The following MAP4 variants were observed in gnomAD, a reference collection of about 807,000 sequenced individuals.
MAP4 encodes the protein microtubule associated protein 4, also known as microtubule-associated protein 4.
A neutral mutation model predicts 170.2 loss-of-function variants in MAP4; 76 were observed. The observed-to-expected ratio is 0.45, with a 90% CI of 0.37 to 0.54. The LOEUF is 0.54. MAP4 is among the 20% of genes least tolerant of loss of function. The pLI, the probability that MAP4 is intolerant of heterozygous loss-of-function variation, is 0.00. For synonymous variants in MAP4, 909 were observed against 994.5 expected (o/e 0.91, Z 1.62); for missense variants, 2,506 against 2,748.0 (o/e 0.91, Z 1.97).
chr3:47,898,195 A>G (rs1300914677), intron 10 of MAP4, among the ~76,000 whole-genome samples: 1 of 152,112 alleles, frequency 6.6e-6, no homozygotes, highest in Non-Finnish European at 1.5e-5. Context: ...GGGAAGGGAC[A>G]GAGTAGCTTC....
intron 3 of MAP4, among the ~76,000 whole-genome samples, chr3:47,934,371 C>T (rs2100051551): frequency 6.6e-6 from 1 of 152,154 alleles, no homozygotes; most frequent in African/African-American, 2.4e-5. Context: ...GACTTGATCT[C>T]AGCTCACCCT....
chr3:48,086,831 T>A (rs148517965), intron 1 of MAP4, among the ~76,000 whole-genome samples: 1 of 152,304 alleles, frequency 6.6e-6, no homozygotes, highest in East Asian at 1.9e-4. Context: ...TTAACTGGTA[T>A]CTGGTTTATC....
chr3:48,081,353 A>C (rs2100146608), intron 1 of MAP4, among the ~76,000 whole-genome samples: 1 of 151,976 alleles, frequency 6.6e-6, no homozygotes, highest in Non-Finnish European at 1.5e-5. Context: ...TTCTAGATAC[A>C]ATCACTCACT....
At chr3:48,079,671 C>T (rs2100145618) in intron 1 of MAP4, among the ~76,000 whole-genome samples, 1 of 151,726 alleles carries the variant, frequency 6.6e-6, no homozygotes, top group Admixed American at 6.6e-5. Flanking sequence ...AAAAAAAAAG[C>T]CGGGTGCGGT....
chr3:47,853,319 GAC>G lies in MAP4; in HGVS notation c.6728_6729del (p.Cys2243SerfsTer13). ...TEGGGSEAPLCPGPPAGEEPA... is the reference protein window; with the variant it reads ...TEGGGSEAPLXPGPPAGEEPA... The stretch of plus-strand genomic sequence containing the variant: ...GGCTCCTCCCCAGCAGGGGGACCCG[GAC>G]ACAGAGGAGCCTCGCTGCCACCGCC... On this transcript the variant is annotated frameshift_variant, in exon 20 of 21. Coordinates refer to ENST00000683076, the MANE Select transcript of MAP4 (RefSeq NM_001385682.1). LOFTEE classifies it high-confidence loss of function. 2 of 1,610,756 alleles carry G rather than the reference GAC, an allele frequency of 1.2e-6. No individual in the cohort carries two copies. The highest frequency in any genetic ancestry group is 1.7e-6 in the Non-Finnish European group (2 of 1,179,482).
chr3:48,013,162 T>G (rs1267420837), intron 1 of MAP4, among the ~76,000 whole-genome samples: 1 of 152,188 alleles, frequency 6.6e-6, no homozygotes, highest in Non-Finnish European at 1.5e-5. Flanking sequence ...ACAGAATCAC[T>G]TGAAGTTACT....
chr3:48,088,433 C>A (rs2100150525), intron 1 of MAP4, among the ~76,000 whole-genome samples: 1 of 152,192 alleles, frequency 6.6e-6, no homozygotes, highest in African/African-American at 2.4e-5. Context: ...GGGCCCCAGA[C>A]TGCGGCCGAC....
chr3:47,911,333 T>C lies in MAP4; in HGVS notation c.3088A>G (p.Ile1030Val), dbSNP rs1308616345. ...AFPNERQEIS[I>V]FTSEQLQGQV... ...CCCTGCAGCTGCTCAGAAGTAAAGA[T>C]GCTGATCTCTTGTCTTTCGTTGGGA... The change falls in exon 9 of 21, where the codon ATC becomes GTC. Residue 1030 changes from isoleucine (I) to valine (V), a missense_variant. By Grantham distance (29) the Ile-to-Val change is conservative. Around this residue, in one of 3 missense-constraint regions of MAP4, gnomAD observed 2,008 missense variants for 2,206.0 expected, o/e 0.91. Coordinates refer to ENST00000683076, the MANE Select transcript of MAP4 (RefSeq NM_001385682.1). This position sits in a 1 kb window ranked among gnomAD's most constrained non-coding sequence, Gnocchi z 4.0. 1 of 1,536,124 alleles carries C rather than the reference T, an allele frequency of 6.5e-7. No homozygotes were observed. The highest frequency in any genetic ancestry group is 1.4e-5 in the African/African-American group (1 of 73,160).
chr3:47,979,486 C>T (rs1027664364), intron 2 of MAP4, among the ~76,000 whole-genome samples: 5 of 152,166 alleles, frequency 3.3e-5, no homozygotes, highest in Admixed American at 2.6e-4. Flanking sequence ...CAGGGAGTCT[C>T]TCTCTGTCGC....
At chr3:48,008,543 G>T (rs1295297449) in intron 1 of MAP4, among the ~76,000 whole-genome samples, 4 of 152,250 alleles carry the variant, frequency 2.6e-5, no homozygotes, top group Non-Finnish European at 5.9e-5. Context: ...GGTTTGGCTG[G>T]TCAGGGACTT....
At chr3:48,051,324 A>G (rs759840123) in intron 1 of MAP4, among the ~76,000 whole-genome samples, 95 of 152,232 alleles carry the variant, frequency 6.2e-4, no homozygotes, top group Non-Finnish European at 1.2e-3. Context: ...AGGCAGGAGA[A>G]CTGCTTGAAC....
chr3:47,952,152 G>A lies in MAP4; in HGVS notation c.293-23802C>T, dbSNP rs549629130. Among the ~76,000 whole-genome samples the A allele has an allele frequency of 4.0e-5, 6 of 149,826 alleles. No individual in the cohort carries two copies. The South Asian group carries it at 6.4e-4, about 16-fold the overall frequency. ...TGAGAAGTGAGGAGCCCCTCCGCCC[G>A]GCAGCCACCCCGTCTGGGAAGTGAG... On this transcript the variant is annotated intron_variant, in intron 3 of 20. Transcript: ENST00000683076.
At chr3:47,886,323 C>A (rs996079427) in intron 10 of MAP4, among the ~76,000 whole-genome samples, 1 of 152,082 alleles carries the variant, frequency 6.6e-6, no homozygotes, top group African/African-American at 2.4e-5. Flanking sequence ...TGTTTTGAGA[C>A]CTGATCTTGA....
intron 10 of MAP4, among the ~76,000 whole-genome samples, chr3:47,900,575 A>G (rs2100029464): frequency 6.6e-6 from 1 of 152,128 alleles, no homozygotes; most frequent in Non-Finnish European, 1.5e-5. Context: ...GTCTCTACTA[A>G]AAATACAAAA....
intron 3 of MAP4, among the ~76,000 whole-genome samples, chr3:47,976,764 T>C (rs1419745878): frequency 6.6e-6 from 1 of 152,232 alleles, no homozygotes. Context: ...ATTTATTAAG[T>C]TGCTAATAAG....
At position 47,875,754 on chromosome 3, in the gene MAP4, G is replaced by A; in HGVS notation, c.5688C>T (p.Ala1896=). 6.2e-7 allele frequency: 1 copy of A among 1,613,970 alleles called. No homozygotes were observed. The highest frequency in any genetic ancestry group is 8.5e-7 in the Non-Finnish European group (1 of 1,180,004). ...MSLASGLVPA[A]PPKRPAVASA... is the part of the protein sequence containing the mutation. ...AGGCGACGGCAGGGCGTTTGGGTGG[G>A]GCAGCTGGCACTAAGCCTGAAGCAA... is the stretch of plus-strand genomic sequence containing the variant. Residue 1896 remains alanine (A), a synonymous_variant, in exon 12 of 21, where the codon GCC becomes GCT. Transcript: ENST00000683076.
intron 3 of MAP4, chr3:47,975,481 T>G: frequency 6.5e-7 from 1 of 1,547,114 alleles, no homozygotes; most frequent in Non-Finnish European, 8.8e-7. Context: ...AGGAGAAAAA[T>G]AGAGAGGGAG....
rs543388430 is a variant in MAP4 at position 47,851,721 on chromosome 3, C to T, written c.*1213G>A. On this transcript the variant is annotated 3_prime_UTR_variant, in exon 21 of 21. Transcript: ENST00000683076. ...GTGGGCCTTGCCTCTCCTCCCTCCC[C>T]TCTCCAGTCAGGGCATAAGGGAAGC... is the stretch of plus-strand genomic sequence containing the variant. 6.6e-6 allele frequency: 1 copy of T among 152,296 alleles called. No homozygotes were observed. Among genetic ancestry groups the T allele is most frequent in the Non-Finnish European group, 1.5e-5 (1 of 68,060 alleles). 9.4% of individuals were successfully genotyped at this position (152,296 alleles called of 1,614,324 possible).
chr3:47,891,678 G>T (rs1270295319), intron 10 of MAP4: 6 of 1,536,228 alleles, frequency 3.9e-6, no homozygotes, highest in Non-Finnish European at 4.4e-6. Flanking sequence ...TCCTTATCAT[G>T]GTCTCTGATG....
Sources: gnomAD v4.1 joint callset for allele counts (sites outside exome capture counted in the v4.1 genomes callset) on GRCh38, gnomAD v4.1.1 for gene constraint, gnomAD v4.1.1 regional missense constraint, Gnocchi (gnomAD v3.1) non-coding constraint, MANE v1.5 for transcripts, NCBI Gene and HGNC (gene_info 2026-07-23, HGNC 2026-07-21) for gene names.